The following TSPEAR variants were observed in gnomAD, a reference collection of about 807,000 sequenced individuals.
TSPEAR encodes the protein thrombospondin-type laminin G domain and EAR repeat-containing protein.
A neutral mutation model predicts 71.6 loss-of-function variants in TSPEAR; 69 were observed. That is an observed-to-expected ratio of 0.96 (90% CI 0.79 to 1.18). TSPEAR has a LOEUF of 1.18. Among genes scored for constraint, TSPEAR ranks in the 50% most tolerant of loss-of-function variants. The pLI is 0.00. For missense variants in TSPEAR, 971 were observed against 894.9 expected (o/e 1.09, Z -1.09); for synonymous variants, 402 against 387.2 (o/e 1.04, Z -0.45).
At chr21:44,680,017 A>C (rs1986503586) in intron 1 of TSPEAR, among the ~76,000 whole-genome samples, 1 of 152,238 alleles carries the variant, frequency 6.6e-6, no homozygotes, top group Non-Finnish European at 1.5e-5. Flanking sequence ...CACAGGCAAC[A>C]AAAACCAAAA....
chr21:44,522,469 G>A lies in TSPEAR; in HGVS notation c.1337-357C>T, dbSNP rs181367475. On this transcript the variant is annotated intron_variant, in intron 8 of 11. Coordinates refer to ENST00000323084, the MANE Select transcript of TSPEAR (RefSeq NM_144991.3). ...ATCCCCACAGGCCAGGCCTTCCCACGCACTGCCACCTCTGCCCGGAGGCCC... is the reference window on the plus strand; with the variant it reads ...ATCCCCACAGGCCAGGCCTTCCCACACACTGCCACCTCTGCCCGGAGGCCC... 2.6e-3 allele frequency among the ~76,000 whole-genome samples: 397 copies of A among 152,226 alleles called. 1 individual carries two copies. The highest frequency in any genetic ancestry group is 9.1e-3 in the African/African-American group (379 of 41,556).
rs374561110 is a variant in TSPEAR, at chr21:44,602,558, C to T, written c.83-34553G>A. 9.2e-5 allele frequency among the ~76,000 whole-genome samples: 14 copies of T among 152,322 alleles called. No homozygotes were observed. The East Asian group carries it at 2.5e-3, about 27-fold the overall frequency. On this transcript the variant is annotated intron_variant, in intron 1 of 11. Coordinates refer to ENST00000323084, the MANE Select transcript of TSPEAR (RefSeq NM_144991.3). ...GCTGGCGTCTGGGAACTGGGATTTCCGAGGGGCTCCCCCCGGCCCCGCCTC... is the reference window on the plus strand; with the variant it reads ...GCTGGCGTCTGGGAACTGGGATTTCTGAGGGGCTCCCCCCGGCCCCGCCTC...
intron 10 of TSPEAR, chr21:44,508,848 C>G (rs1457087533): frequency 7.1e-7 from 1 of 1,402,650 alleles, no homozygotes; most frequent in Admixed American, 1.9e-5. Flanking sequence ...GCACCTCGCA[C>G]CTGTCCCTCT....
chr21:44,658,380 AC>A, intron 1 of TSPEAR: 1 of 1,064,270 alleles, frequency 9.4e-7, no homozygotes, highest in African/African-American at 1.6e-5. Context: ...GCCCAAGGAA[AC>A]CTCTGAACTC....
In TSPEAR at chr21:44,647,267, C is replaced by A. The variant is rs78191358; in HGVS notation, c.82+64166G>T. On this transcript the variant is annotated intron_variant, in intron 1 of 11. Coordinates refer to ENST00000323084, the MANE Select transcript of TSPEAR (RefSeq NM_144991.3). ...TCCTGCCAGTCCAGCTGCTGCCGCCCGGCCTCCTGCGTGTCCCTCCTCTGC... is the reference window on the plus strand; with the variant it reads ...TCCTGCCAGTCCAGCTGCTGCCGCCAGGCCTCCTGCGTGTCCCTCCTCTGC... The A allele has an allele frequency of 6.2e-6, 10 of 1,602,990 alleles. No individual in the cohort carries two copies. The East Asian group carries it at 9.0e-5, about 14-fold the overall frequency.
rs201201187 is a variant in TSPEAR, at chr21:44,627,243, G to A, written c.83-59238C>T. On this transcript the variant is annotated intron_variant, in intron 1 of 11. Coordinates refer to ENST00000323084, the MANE Select transcript of TSPEAR (RefSeq NM_144991.3). ...CCTGGCAGGTGGACGACTGCCCAGA[G>A]AGCTGCTGTGAGCCCCCCTGCTGCG... is the stretch of plus-strand genomic sequence containing the variant. The A allele has an allele frequency of 7.3e-5, 118 of 1,612,732 alleles. No individual in the cohort carries two copies. The Middle Eastern group carries it at 1.4e-3, about 19-fold the overall frequency.
chr21:44,655,502 G>A (rs587702934), intron 1 of TSPEAR, among the ~76,000 whole-genome samples: 1 of 152,302 alleles, frequency 6.6e-6, no homozygotes, highest in Admixed American at 6.5e-5. Context: ...AGCACTAATG[G>A]CCACAGGACA....
At chr21:44,532,484 G>A (rs587746444) in intron 3 of TSPEAR, among the ~76,000 whole-genome samples, 3 of 152,308 alleles carry the variant, frequency 2.0e-5, no homozygotes, top group South Asian at 2.1e-4. Flanking sequence ...ACTCATCACC[G>A]TCCTGAGGGC....
In TSPEAR at chr21:44,521,910, G is replaced by A. The variant is rs782295026; in HGVS notation, c.1539C>T (p.Gly513=). 1.2e-6 allele frequency: 2 copies of A among 1,613,930 alleles called. No individual in the cohort carries two copies. Among genetic ancestry groups the A allele is most frequent in the Non-Finnish European group, 1.7e-6 (2 of 1,179,966 alleles). ...GGAAGGACTGGAAGAGCTGGAAGGA[G>A]CCCAGGAGTCGGATGTAGAGGTGCG... ...VHSHLYIRLL[G]SFQLFQSFPT... is the part of the protein sequence containing the mutation. The change falls in exon 9 of 12, where the codon GGC becomes GGT. Residue 513 remains glycine (G), a synonymous_variant. Transcript: ENST00000323084.
At chr21:44,553,994 T>G (rs1192285989) in intron 2 of TSPEAR, among the ~76,000 whole-genome samples, 2 of 152,236 alleles carry the variant, frequency 1.3e-5, no homozygotes, top group African/African-American at 4.8e-5. Context: ...TAGAAAGTAC[T>G]CCACCCAGGT....
At chr21:44,652,408 G>A (rs1317079949) in intron 1 of TSPEAR, among the ~76,000 whole-genome samples, 2 of 152,192 alleles carry the variant, frequency 1.3e-5, no homozygotes, top group Non-Finnish European at 2.9e-5. Flanking sequence ...ACCAGCACAG[G>A]CCACTTGAGC....
chr21:44,634,929 G>T (rs2146213997), intron 1 of TSPEAR, among the ~76,000 whole-genome samples: 1 of 152,290 alleles, frequency 6.6e-6, no homozygotes, highest in Non-Finnish European at 1.5e-5. Context: ...CAGATGCTGT[G>T]AAAAACAGTC....
At chr21:44,515,135 T>C (rs1164559944) in intron 9 of TSPEAR, among the ~76,000 whole-genome samples, 4 of 152,144 alleles carry the variant, frequency 2.6e-5, no homozygotes, top group Non-Finnish European at 4.4e-5. Flanking sequence ...ATGAAAGACA[T>C]TGCAAAACTC....
intron 1 of TSPEAR, among the ~76,000 whole-genome samples, chr21:44,708,086 C>T (rs1215212308): frequency 1.4e-5 from 2 of 147,688 alleles, no homozygotes; most frequent in Non-Finnish European, 3.0e-5. Flanking sequence ...AGAGAGCGAG[C>T]GAGAGAGGAC....
At chr21:44,530,336 CCATTCATCCATG>C (rs1316512906) in intron 4 of TSPEAR, among the ~76,000 whole-genome samples, 2 of 151,994 alleles carry the variant, frequency 1.3e-5, no homozygotes, top group Non-Finnish European at 2.9e-5. Flanking sequence ...ACCTACCCAT[CCATTCATCCATG>C]CATTCATCCA....
intron 2 of TSPEAR, among the ~76,000 whole-genome samples, chr21:44,534,736 CA>C (rs1217079192): frequency 6.6e-6 from 1 of 152,168 alleles, no homozygotes; most frequent in Non-Finnish European, 1.5e-5. Context: ...GGCAGTTCCT[CA>C]AAAAGTTATA....
At position 44,695,932 on chromosome 21, in the gene TSPEAR, C is replaced by T. The variant is rs1555950423; in HGVS notation, c.82+15501G>A. On this transcript the variant is annotated intron_variant, in intron 1 of 11. Coordinates refer to ENST00000323084, the MANE Select transcript of TSPEAR (RefSeq NM_144991.3). This position sits in a 1 kb window ranked among gnomAD's most constrained non-coding sequence, Gnocchi z 4.5. The stretch of plus-strand genomic sequence containing the variant: ...CAACTTTCCAGGCAGAGCCAAGCAG[C>T]TCTCCCTTAATCTCAGGATCCTCCA... 1.3e-5 allele frequency among the ~76,000 whole-genome samples: 2 copies of T among 152,204 alleles called. No individual in the cohort carries two copies. The highest frequency in any genetic ancestry group is 4.8e-5 in the African/African-American group (2 of 41,454).
rs587610641 is a variant in TSPEAR, at chr21:44,631,023, C to G, written c.83-63018G>C. Among the ~76,000 whole-genome samples the G allele has an allele frequency of 2.6e-5, 4 of 151,020 alleles. No individual in the cohort carries two copies. The South Asian group carries it at 6.3e-4, about 24-fold the overall frequency. ...AATATTCCAAATGTCCAGTTTTCAACAAAAATTATGAGGCATGCAAAGAAG... is the reference window on the plus strand; with the variant it reads ...AATATTCCAAATGTCCAGTTTTCAAGAAAAATTATGAGGCATGCAAAGAAG... On this transcript the variant is annotated intron_variant, in intron 1 of 11. Transcript: ENST00000323084.
At chr21:44,706,933 A>C (rs1987955115) in intron 1 of TSPEAR, among the ~76,000 whole-genome samples, 1 of 152,182 alleles carries the variant, frequency 6.6e-6, no homozygotes, top group African/African-American at 2.4e-5. Context: ...TGAGCCATCG[A>C]GAGATGGGGT....
Sources: gnomAD v4.1 joint callset for allele counts (sites outside exome capture counted in the v4.1 genomes callset) on GRCh38, gnomAD v4.1.1 for gene constraint, Gnocchi (gnomAD v3.1) non-coding constraint, MANE v1.5 for transcripts, NCBI Gene and HGNC (gene_info 2026-07-23, HGNC 2026-07-21) for gene names.